GRM3: variants seen among roughly 807,000 people sequenced by gnomAD.
The protein encoded by GRM3 is metabotropic glutamate receptor 3.
GRM3 carries 26 observed loss-of-function variants against 70.5 expected under a neutral mutation model. The ratio of observed to expected loss-of-function variants is 0.37; its 90% CI spans 0.27 to 0.51. The LOEUF (loss-of-function observed/expected upper bound fraction) is 0.51, where lower values mean the gene tolerates loss of function less well. Among genes scored for constraint, GRM3 ranks in the 20% least tolerant of loss-of-function variants. The pLI, the probability that GRM3 is intolerant of heterozygous loss-of-function variation, is 0.93. For missense variants in GRM3, 859 were observed against 1,123.8 expected (o/e 0.76, Z 3.37); for synonymous variants, 443 against 434.9 (o/e 1.02, Z -0.23).
intron 2 of GRM3, among the ~76,000 whole-genome samples, chr7:86,777,071 T>A (rs748958493): frequency 6.6e-6 from 1 of 152,148 alleles, no homozygotes; most frequent in Non-Finnish European, 1.5e-5. Context: ...AGTTCCTTGT[T>A]AGTAAGGGAA....
intron 1 of GRM3, among the ~76,000 whole-genome samples, chr7:86,648,669 G>C (rs1161864085): frequency 6.6e-6 from 1 of 151,872 alleles, no homozygotes; most frequent in African/African-American, 2.4e-5. Flanking sequence ...AATGTGGAAT[G>C]TATTTCGATA....
intron 2 of GRM3, chr7:86,774,970 G>A (rs1281934502): frequency 3.3e-5 from 5 of 151,926 alleles, no homozygotes; most frequent in African/African-American, 4.8e-5. Flanking sequence ...AAGATTTAAA[G>A]GAATGTAACA....
chr7:86,830,655 T>C (rs968958153), intron 3 of GRM3, among the ~76,000 whole-genome samples: 1 of 152,188 alleles, frequency 6.6e-6, no homozygotes, highest in Admixed American at 6.5e-5. Context: ...CAAAAGATGT[T>C]AGATACAAAA....
chr7:86,671,383 G>C (rs1794168405), intron 1 of GRM3, among the ~76,000 whole-genome samples: 1 of 152,154 alleles, frequency 6.6e-6, no homozygotes, highest in Admixed American at 6.5e-5. Context: ...TAACTGTTCT[G>C]TTTCATTCTT....
At chr7:86,674,297 T>C (rs1374927453) in intron 1 of GRM3, among the ~76,000 whole-genome samples, 1 of 144,288 alleles carries the variant, frequency 6.9e-6, no homozygotes. Flanking sequence ...CATGGGCTTG[T>C]CTACAAGTCT....
At chr7:86,731,958 G>A (rs1399103293) in intron 1 of GRM3, among the ~76,000 whole-genome samples, 1 of 152,116 alleles carries the variant, frequency 6.6e-6, no homozygotes, top group African/African-American at 2.4e-5. Flanking sequence ...GAAATAATAT[G>A]TATTTGTTGA....
chr7:86,693,074 G>A (rs975711562), intron 1 of GRM3, among the ~76,000 whole-genome samples: 1 of 152,252 alleles, frequency 6.6e-6, no homozygotes, highest in East Asian at 1.9e-4. Flanking sequence ...TCTGGCAATA[G>A]GTAAGTAATG....
intron 3 of GRM3, 127 bp downstream of exon 3, chr7:86,787,243 C>A: frequency 1.3e-6 from 1 of 763,724 alleles, no homozygotes; most frequent in Non-Finnish European, 2.1e-6. Context: ...AACTGTTAAC[C>A]AAATATTCCA....
intron 1 of GRM3, among the ~76,000 whole-genome samples, chr7:86,702,877 G>A (rs1276521479): frequency 1.3e-5 from 2 of 151,950 alleles, no homozygotes; most frequent in East Asian, 1.9e-4. Flanking sequence ...TCTTTGAGAC[G>A]TTAGAGTTAC....
chr7:86,763,032 T>C (rs1584222772), intron 1 of GRM3, among the ~76,000 whole-genome samples: 2 of 152,278 alleles, frequency 1.3e-5, no homozygotes. Context: ...GGAAACTCAG[T>C]ATACATTGAT....
chr7:86,687,832 T>C (rs1794602080), intron 1 of GRM3, among the ~76,000 whole-genome samples: 1 of 151,844 alleles, frequency 6.6e-6, no homozygotes, highest in Non-Finnish European at 1.5e-5. Context: ...AATGATGTTT[T>C]GCATGTTTAA....
intron 3 of GRM3, among the ~76,000 whole-genome samples, chr7:86,788,267 T>C (rs538083574): frequency 2.6e-4 from 40 of 152,170 alleles, no homozygotes; most frequent in Non-Finnish European, 5.1e-4. Flanking sequence ...AGAAGTCAAG[T>C]GGTCTATGAA....
rs373327956 is a variant in GRM3, at chr7:86,765,284, A to G, written c.139A>G (p.Ile47Val). The G allele has an allele frequency of 1.1e-5, 17 of 1,613,702 alleles. No individual in the cohort carries two copies. Among genetic ancestry groups the G allele is most frequent in the South Asian group, 1.1e-5 (1 of 91,080 alleles). The change falls in exon 2 of 6, where the codon ATT becomes GTT. Residue 47 changes from isoleucine to valine, a missense_variant. Transcript: ENST00000361669. ...CCTTGTTTTAGGGGGCCTGTTTCCT[A>G]TTAACGAAAAAGGCACTGGAACTGA... is the stretch of plus-strand genomic sequence containing the variant. ...GDLVLGGLFP[I>V]NEKGTGTEEC...
At chr7:86,797,233 G>C (rs946923392) in intron 3 of GRM3, among the ~76,000 whole-genome samples, 1 of 152,224 alleles carries the variant, frequency 6.6e-6, no homozygotes, top group African/African-American at 2.4e-5. Flanking sequence ...GGGCTCAGAA[G>C]AAGACAGGAA....
intron 1 of GRM3, among the ~76,000 whole-genome samples, chr7:86,700,081 G>A (rs1282108883): frequency 6.6e-6 from 1 of 151,894 alleles, no homozygotes; most frequent in Admixed American, 6.6e-5. Context: ...AGCACATTGA[G>A]AACAGAACCA....
intron 3 of GRM3, among the ~76,000 whole-genome samples, chr7:86,822,278 T>C (rs1324424042): frequency 1.3e-5 from 2 of 152,140 alleles, no homozygotes; most frequent in Admixed American, 1.3e-4. Context: ...AAGTTCTATT[T>C]GTGCCTTTAA....
chr7:86,823,358 T>G (rs1465715413), intron 3 of GRM3, among the ~76,000 whole-genome samples: 1 of 152,058 alleles, frequency 6.6e-6, no homozygotes, highest in Non-Finnish European at 1.5e-5. Context: ...TCTTCTCTGT[T>G]TTCTACTACC....
chr7:86,765,889 A>G (rs1373910786), intron 2 of GRM3, among the ~76,000 whole-genome samples: 1 of 152,126 alleles, frequency 6.6e-6, no homozygotes, highest in African/African-American at 2.4e-5. Flanking sequence ...TTAGTTTACA[A>G]GTCTAAAGAT....
At chr7:86,833,185 G>T in intron 3 of GRM3, 9 of 796,734 alleles carry the variant, frequency 1.1e-5, no homozygotes, top group Non-Finnish European at 1.4e-5. Context: ...TCACAGGTGG[G>T]AATTGAACAA....
Sources: allele counts gnomAD v4.1 joint callset (sites outside exome capture counted in the v4.1 genomes callset), GRCh38; gene constraint gnomAD v4.1.1; transcripts MANE v1.5; gene names NCBI Gene and HGNC (gene_info 2026-07-23, HGNC 2026-07-21).